ROCK2: variants seen among roughly 807,000 people sequenced by gnomAD.
The protein encoded by ROCK2 is rho-associated protein kinase 2.
ROCK2 carries 61 observed loss-of-function variants against 195.1 expected under a neutral mutation model. The ratio of observed to expected loss-of-function variants is 0.31; its 90% CI spans 0.25 to 0.39. The LOEUF (loss-of-function observed/expected upper bound fraction) is 0.39. Among genes scored for constraint, ROCK2 ranks in the 10% least tolerant of loss-of-function variants. The pLI, the probability that ROCK2 is intolerant of heterozygous loss-of-function variation, is 1.00. For synonymous variants in ROCK2, 504 were observed against 545.5 expected, an observed-to-expected ratio of 0.92 and a Z score of 1.06; for missense variants, 1,109 against 1,637.4, an observed-to-expected ratio of 0.68 and a Z score of 5.57.
chr2:11,267,046 A>G (rs549718924), intron 3 of ROCK2, among the ~76,000 whole-genome samples: 87 of 152,346 alleles, frequency 5.7e-4, no homozygotes, highest in Non-Finnish European at 1.1e-3. Flanking sequence ...TTAACACAGT[A>G]CAGTGAATAT....
At chr2:11,330,583 C>T (rs72789546) in intron 1 of ROCK2, among the ~76,000 whole-genome samples, 6,517 of 152,036 alleles carry the variant, frequency 0.043, 283 homozygotes, top group Non-Finnish European at 0.061. Context: ...GGTTTTAAAA[C>T]GAAAAACTTT....
chr2:11,317,055 T>C (rs1013119332), intron 1 of ROCK2, among the ~76,000 whole-genome samples: 1 of 152,072 alleles, frequency 6.6e-6, no homozygotes, highest in African/African-American at 2.4e-5. Context: ...GTATATAACA[T>C]AAGGTTAAAT....
intron 7 of ROCK2, among the ~76,000 whole-genome samples, chr2:11,223,386 T>C (rs1023756039): frequency 1.3e-5 from 2 of 152,266 alleles, no homozygotes; most frequent in East Asian, 3.9e-4. Flanking sequence ...TTTTGTAACA[T>C]CACTTAAGTT....
At chr2:11,278,589 T>C (rs1666902685) in intron 3 of ROCK2, among the ~76,000 whole-genome samples, 4 of 152,144 alleles carry the variant, frequency 2.6e-5, no homozygotes, top group Admixed American at 2.6e-4. Flanking sequence ...ACTAGTGGAA[T>C]TGCTGGATTG....
chr2:11,343,793 G>A (rs1014742643), intron 1 of ROCK2, among the ~76,000 whole-genome samples: 2 of 152,202 alleles, frequency 1.3e-5, no homozygotes, highest in African/African-American at 4.8e-5. Flanking sequence ...CCAGCAGGAG[G>A]TAGAGGGAGG....
At chr2:11,184,858 G>A in intron 32 of ROCK2, 1 of 676,856 alleles carries the variant, frequency 1.5e-6, no homozygotes, top group Non-Finnish European at 1.8e-6. Context: ...CTTTGAATGT[G>A]CTTGTAAGCA....
chr2:11,290,837 C>T (rs1405914908), intron 1 of ROCK2, among the ~76,000 whole-genome samples: 2 of 152,016 alleles, frequency 1.3e-5, no homozygotes, highest in Non-Finnish European at 2.9e-5. Context: ...GAGGGAAAAA[C>T]AACAACAACA....
chr2:11,297,674 A>G (rs974575841), intron 1 of ROCK2, among the ~76,000 whole-genome samples: 4 of 152,142 alleles, frequency 2.6e-5, no homozygotes, highest in African/African-American at 9.7e-5. Flanking sequence ...TTCTTTCAGC[A>G]AAGTGATAAA....
At chr2:11,217,598 CAAAGT>C (rs916246694) in intron 11 of ROCK2, among the ~76,000 whole-genome samples, 1 of 152,120 alleles carries the variant, frequency 6.6e-6, no homozygotes, top group African/African-American at 2.4e-5. Context: ...TGAATATGCT[CAAAGT>C]AAAGAATATA....
intron 3 of ROCK2, among the ~76,000 whole-genome samples, chr2:11,281,971 A>T (rs563112443): frequency 1.2e-3 from 184 of 152,316 alleles, no homozygotes; most frequent in Non-Finnish European, 2.2e-3. Flanking sequence ...ATCACAAAAA[A>T]AACCCCAGTA....
rs181938205 is a variant in ROCK2, at chr2:11,253,694, G to A, written c.325-3896C>T. On this transcript the variant is annotated intron_variant, in intron 3 of 32. Coordinates refer to ENST00000315872, the MANE Select transcript of ROCK2 (RefSeq NM_004850.5). ...AATGCCAGCAATGGCAATAAAACAG[G>A]CACTCACTAAATATTTAATGACTCA... Among the ~76,000 whole-genome samples, 150 of 152,288 alleles carry A rather than the reference G, an allele frequency of 9.8e-4. 3 individuals are homozygous for A. The highest frequency in any genetic ancestry group is 8.3e-3 in the Admixed American group (127 of 15,298).
At chr2:11,319,513 G>A (rs1387266210) in intron 1 of ROCK2, among the ~76,000 whole-genome samples, 1 of 152,046 alleles carries the variant, frequency 6.6e-6, no homozygotes, top group Admixed American at 6.6e-5. Context: ...GAGACGATGG[G>A]GTTTTCTAGA....
intron 4 of ROCK2, among the ~76,000 whole-genome samples, chr2:11,248,671 T>C (rs111510469): frequency 0.086 from 10,446 of 121,944 alleles, 594 homozygotes; most frequent in African/African-American, 0.19. Context: ...ATTCCAACAC[T>C]GCACTCCAGC....
chr2:11,329,100 CAAA>C (rs5829299), intron 1 of ROCK2, among the ~76,000 whole-genome samples: 1 of 149,800 alleles, frequency 6.7e-6, no homozygotes, highest in African/African-American at 2.5e-5. Flanking sequence ...AAAAAAGAAA[CAAA>C]AAAAAATACA....
chr2:11,239,594 T>A (rs1665351891), intron 4 of ROCK2, among the ~76,000 whole-genome samples: 1 of 152,196 alleles, frequency 6.6e-6, no homozygotes, highest in African/African-American at 2.4e-5. Flanking sequence ...CATTATTCAT[T>A]ATTCATAATG....
At chr2:11,259,209 A>C (rs1181566018) in intron 3 of ROCK2, among the ~76,000 whole-genome samples, 1 of 151,404 alleles carries the variant, frequency 6.6e-6, no homozygotes, top group African/African-American at 2.5e-5. Flanking sequence ...TGATACCTAC[A>C]CTAGCATACC....
intron 1 of ROCK2, among the ~76,000 whole-genome samples, chr2:11,307,578 C>T (rs996142631): frequency 2.6e-5 from 4 of 152,202 alleles, no homozygotes; most frequent in Non-Finnish European, 5.9e-5. Flanking sequence ...TCCCCAAGTG[C>T]TGGTATTACA....
At chr2:11,228,762 G>C (rs1664898335) in intron 5 of ROCK2, among the ~76,000 whole-genome samples, 2 of 151,856 alleles carry the variant, frequency 1.3e-5, no homozygotes, top group Admixed American at 1.3e-4. Flanking sequence ...ACTTACTGGA[G>C]ACACACACAC....
chr2:11,312,055 C>T (rs570584820), intron 1 of ROCK2, among the ~76,000 whole-genome samples: 2 of 152,246 alleles, frequency 1.3e-5, no homozygotes, highest in South Asian at 2.1e-4. Context: ...AAGTCAGACA[C>T]TAAAGATTTG....
Sources: allele counts gnomAD v4.1 joint callset (sites outside exome capture counted in the v4.1 genomes callset), GRCh38; gene constraint gnomAD v4.1.1; transcripts MANE v1.5; gene names NCBI Gene and HGNC (gene_info 2026-07-23, HGNC 2026-07-21).